The following CFTR variants were observed in gnomAD, a reference collection of about 807,000 sequenced individuals.
CFTR encodes the protein cystic fibrosis transmembrane conductance regulator.
CFTR carries 181 observed loss-of-function variants against 171.6 expected under a neutral mutation model. That is an observed-to-expected ratio of 1.05 (90% confidence interval 0.93 to 1.19). The LOEUF (loss-of-function observed/expected upper bound fraction) is 1.19. CFTR is among the 50% of genes most tolerant of loss of function. The probability of loss-of-function intolerance (pLI) is 0.00; values close to 1 mark genes in which losing one functional copy is unlikely to be tolerated. For synonymous variants in CFTR, 583 were observed against 608.0 expected (o/e 0.96, Z 0.60); for missense variants, 1,968 against 1,734.7 (o/e 1.13, Z -2.39).
chr7:117,645,117 G>T (rs776972944), intron 23 of CFTR, among the ~76,000 whole-genome samples: 1 of 152,110 alleles, frequency 6.6e-6, no homozygotes, highest in Non-Finnish European at 1.5e-5. Context: ...CAAAGATGGG[G>T]CATCTTTTGC....
rs527407663 is a variant in CFTR at position 117,594,912 on chromosome 7, C to T, written c.2491-18C>T. 18 of 1,611,116 alleles carry T rather than the reference C, an allele frequency of 1.1e-5. No homozygotes were observed. In the South Asian group the frequency reaches 1.6e-4, roughly 15 times the overall value. ...AACTGTACTGTCTTATTGTAATAGCCATAATTCTTTTATTCAGGAGTGCTT... is the reference window on the plus strand; with the variant it reads ...AACTGTACTGTCTTATTGTAATAGCTATAATTCTTTTATTCAGGAGTGCTT... On this transcript the variant is annotated intron_variant, in intron 14 of 26. Coordinates refer to ENST00000003084, the MANE Select transcript of CFTR (RefSeq NM_000492.4).
rs1798240105 is a variant in CFTR, at chr7:117,496,371, A to G, written c.54-7882A>G. 4.6e-5 allele frequency among the ~76,000 whole-genome samples: 7 copies of G among 151,972 alleles called. No homozygotes were observed. The South Asian group carries it at 1.2e-3, about 27-fold the overall frequency. ...CAGGCTTGCACCACATGACTGTCTA[A>G]TTTATAATTTTCTTTAGAGACAGGG... On this transcript the variant is annotated intron_variant, in intron 1 of 26. Coordinates refer to ENST00000003084, the MANE Select transcript of CFTR (RefSeq NM_000492.4).
chr7:117,533,839 A>G (rs1334358397), intron 4 of CFTR, among the ~76,000 whole-genome samples: 1 of 152,124 alleles, frequency 6.6e-6, no homozygotes, highest in Non-Finnish European at 1.5e-5. Flanking sequence ...TCAGTTATTC[A>G]TCATATACTT....
intron 19 of CFTR, among the ~76,000 whole-genome samples, 179 bp downstream of exon 19, chr7:117,610,848 A>AT (rs1422373288): frequency 1.3e-5 from 2 of 152,090 alleles, no homozygotes; most frequent in African/African-American, 2.4e-5. Context: ...GTACACATGG[A>AT]TTTTTTTTCT....
intron 9 of CFTR, among the ~76,000 whole-genome samples, chr7:117,544,526 T>C (rs1799107472): frequency 6.6e-6 from 1 of 152,208 alleles, no homozygotes; most frequent in Non-Finnish European, 1.5e-5. Flanking sequence ...TTTGGAATTA[T>C]CTTTTTCTTC....
In CFTR at chr7:117,530,939, T is replaced by G; in HGVS notation, c.314T>G (p.Ile105Ser). Residue 105 changes from isoleucine to serine, a missense_variant, in exon 4 of 27, where the codon ATC (isoleucine) becomes AGC (serine). Coordinates refer to ENST00000003084, the MANE Select transcript of CFTR (RefSeq NM_000492.4). ...KAVQPLLLGR[I>S]IASYDPDNKE... ...GTACAGCCTCTCTTACTGGGAAGAATCATAGCTTCCTATGACCCGGATAAC... is the reference window on the plus strand; with the variant it reads ...GTACAGCCTCTCTTACTGGGAAGAAGCATAGCTTCCTATGACCCGGATAAC... The G allele has an allele frequency of 6.2e-7, 1 of 1,613,764 alleles. No individual in the cohort carries two copies. The highest frequency in any genetic ancestry group is 1.1e-5 in the South Asian group (1 of 91,062).
intron 1 of CFTR, among the ~76,000 whole-genome samples, chr7:117,495,461 A>T (rs1798222747): frequency 6.6e-6 from 1 of 152,144 alleles, no homozygotes; most frequent in South Asian, 2.1e-4. Flanking sequence ...AAGTCATGTG[A>T]GTGAATTAGA....
At position 117,606,659 on chromosome 7, in the gene CFTR, T is replaced by G. The variant is rs397508455; in HGVS notation, c.2909-15T>G. The G allele has an allele frequency of 6.5e-6, 9 of 1,378,662 alleles. No individual in the cohort carries two copies. The South Asian group carries it at 9.3e-5, about 14-fold the overall frequency. The allele number at this position is 1,378,662 out of a possible 1,614,324, so 85.4% of individuals were successfully genotyped here. A position where few individuals can be genotyped will look rare whatever the true frequency, so the allele number is the denominator to read the frequency against. ...TTAGTGTTTTTTGAGGAATTTGTCA[T>G]CTTGTATATTATAGGTGGGATTCTT... On this transcript the variant is annotated splice_polypyrimidine_tract_variant and intron_variant, in intron 17 of 26. Coordinates refer to ENST00000003084, the MANE Select transcript of CFTR (RefSeq NM_000492.4).
chr7:117,656,763 A>G (rs1392595551), intron 24 of CFTR, among the ~76,000 whole-genome samples: 2 of 152,204 alleles, frequency 1.3e-5, no homozygotes, highest in East Asian at 1.9e-4. Flanking sequence ...TTGAGCCTCA[A>G]AGGTCTTCTT....
At chr7:117,486,775 C>T (rs1798080175) in intron 1 of CFTR, among the ~76,000 whole-genome samples, 1 of 151,028 alleles carries the variant, frequency 6.6e-6, no homozygotes, top group Non-Finnish European at 1.5e-5. Context: ...AGTGAAAAGC[C>T]ATGGCTTTTA....
chr7:117,530,438 T>A (rs1798839910), intron 3 of CFTR, among the ~76,000 whole-genome samples: 1 of 152,162 alleles, frequency 6.6e-6, no homozygotes, highest in Non-Finnish European at 1.5e-5. Context: ...TTGGTCTGTG[T>A]GGCCTCAGTT....
At chr7:117,502,047 G>A (rs182407606) in intron 1 of CFTR, among the ~76,000 whole-genome samples, 47 of 152,258 alleles carry the variant, frequency 3.1e-4, no homozygotes, top group African/African-American at 1.0e-3. Context: ...GGCAAATGCC[G>A]TAAGTCAGTT....
intron 12 of CFTR, among the ~76,000 whole-genome samples, chr7:117,589,740 A>G (rs955905838): frequency 7.2e-5 from 11 of 152,082 alleles, no homozygotes; most frequent in Non-Finnish European, 1.6e-4. Flanking sequence ...TGCAATATCA[A>G]TTATACAGTT....
intron 22 of CFTR, among the ~76,000 whole-genome samples, chr7:117,641,984 A>G (rs553499714): frequency 5.3e-5 from 8 of 152,282 alleles, no homozygotes; most frequent in Non-Finnish European, 1.0e-4. Context: ...AAATTAATTT[A>G]TTAGGGTCAA....
At chr7:117,649,344 ATATC>A (rs1793048297) in intron 23 of CFTR, among the ~76,000 whole-genome samples, 1 of 149,956 alleles carries the variant, frequency 6.7e-6, no homozygotes, top group South Asian at 2.1e-4. Flanking sequence ...AGAGATATAT[ATATC>A]TACACACATC....
At chr7:117,665,915 G>A (rs1354149574) in intron 26 of CFTR, among the ~76,000 whole-genome samples, 2 of 152,186 alleles carry the variant, frequency 1.3e-5, no homozygotes, top group Non-Finnish European at 2.9e-5. Context: ...ATAACTAAAT[G>A]TCCCATGGAT....
Position 117,592,630 on chromosome 7 carries a change from TGAA to T in CFTR, c.2467_2469del (p.Glu823del). 1 of 1,540,180 alleles carries T rather than the reference TGAA, an allele frequency of 6.5e-7. No homozygotes were observed. Among genetic ancestry groups the T allele is most frequent in the Non-Finnish European group, 8.7e-7 (1 of 1,151,340 alleles). On this transcript the variant is annotated inframe_deletion, in exon 14 of 27. Coordinates refer to ENST00000003084, the MANE Select transcript of CFTR (RefSeq NM_000492.4). Reference sequence around the variant, plus strand: ...CTCAAGAAACTGGCTTGGAAATAAGTGAAGAAATTAACGAAGAAGACTTAAAGG... The same window carrying T: ...CTCAAGAAACTGGCTTGGAAATAAGTGAAATTAACGAAGAAGACTTAAAGG...
chr7:117,590,290 C>A, intron 12 of CFTR, 63 bp from the exon 13 acceptor site: 1 of 1,572,334 alleles, frequency 6.4e-7, no homozygotes, highest in South Asian at 1.1e-5. Context: ...TAAGGCAAAT[C>A]ATCTACACTA....
At chr7:117,598,420 C>T (rs1338601700) in intron 15 of CFTR, among the ~76,000 whole-genome samples, 1 of 152,188 alleles carries the variant, frequency 6.6e-6, no homozygotes. Context: ...AAACTTACAA[C>T]TATACATTTT....
Sources: gnomAD v4.1 joint callset for allele counts (sites outside exome capture counted in the v4.1 genomes callset) on GRCh38, gnomAD v4.1.1 for gene constraint, MANE v1.5 for transcripts, NCBI Gene and HGNC (gene_info 2026-07-23, HGNC 2026-07-21) for gene names.